Variants in ADGRA3 observed in about 807,000 individuals in gnomAD.
The protein encoded by ADGRA3 is adhesion G protein-coupled receptor A3, also known as G-protein coupled receptor 125.
Under a neutral mutation model 119.8 loss-of-function variants are expected in ADGRA3, and 56 were observed. The ratio of observed to expected loss-of-function variants is 0.47; its 90% confidence interval spans 0.38 to 0.58. The LOEUF is 0.58. Ranked by LOEUF, ADGRA3 falls within the 20% of genes least tolerant of loss-of-function variation. The pLI, the probability that ADGRA3 is intolerant of heterozygous loss-of-function variation, is 0.00. For missense variants in ADGRA3, 1,516 were observed against 1,649.0 expected (o/e 0.92, Z 1.40); for synonymous variants, 607 against 623.8 (o/e 0.97, Z 0.40).
chr4:22,416,364 C>G (rs1715430465), intron 12 of ADGRA3, among the ~76,000 whole-genome samples: 1 of 152,102 alleles, frequency 6.6e-6, no homozygotes, highest in Admixed American at 6.5e-5. Context: ...TTTTCGGTTT[C>G]CAGTATTTAC....
Position 22,442,830 on chromosome 4 carries a change from G to A in ADGRA3, c.740C>T (p.Thr247Ile), listed in dbSNP as rs914286200. ...PPLELPSFYM[T>I]PSHRQVVFEG... ...AAACACAACTTGGCGATGAGATGGA[G>A]TCATGTAGAAAGACGGCAATTCAAG... Residue 247 changes from threonine (T) to isoleucine (I), a missense_variant, in exon 7 of 19, where the codon ACT (threonine) becomes ATT (isoleucine). Thr to Ile is a moderately conservative substitution (Grantham distance 89). Around this residue, in one of 2 missense-constraint regions of ADGRA3, gnomAD observed 428 missense variants for 541.9 expected, o/e 0.79. Transcript: ENST00000334304. 3 of 1,613,044 alleles carry A rather than the reference G, an allele frequency of 1.9e-6. No individual in the cohort carries two copies. The highest frequency in any genetic ancestry group is 2.5e-6 in the Non-Finnish European group (3 of 1,179,248).
chr4:22,411,171 CTTG>C (rs1273585177), intron 14 of ADGRA3, among the ~76,000 whole-genome samples: 15 of 152,144 alleles, frequency 9.9e-5, no homozygotes, highest in African/African-American at 3.4e-4. Flanking sequence ...TCAATTTTTT[CTTG>C]TTAACTTATA....
chr4:22,436,340 T>C (rs1716390599), intron 9 of ADGRA3, 100 bp downstream of exon 9: 1 of 832,680 alleles, frequency 1.2e-6, no homozygotes, highest in Non-Finnish European at 1.9e-6. Context: ...AAAATCCTTA[T>C]GTTTTGCCTA....
chr4:22,409,516 C>T (rs1291309840), intron 14 of ADGRA3, among the ~76,000 whole-genome samples: 2 of 152,146 alleles, frequency 1.3e-5, no homozygotes, highest in African/African-American at 4.8e-5. Flanking sequence ...GGCATTTAAC[C>T]TCTCTCTGCC....
chr4:22,476,225 G>A (rs1718037783), intron 1 of ADGRA3, among the ~76,000 whole-genome samples: 1 of 151,956 alleles, frequency 6.6e-6, no homozygotes, highest in Non-Finnish European at 1.5e-5. Flanking sequence ...CTCACTTCCG[G>A]AACAAGATTT....
chr4:22,415,719 T>C (rs191186299), intron 12 of ADGRA3, among the ~76,000 whole-genome samples: 94 of 152,232 alleles, frequency 6.2e-4, no homozygotes, highest in African/African-American at 2.1e-3. Flanking sequence ...ATAAATCAAA[T>C]TGATTTAAAA....
chr4:22,390,364 CGT>C (rs1560292210), intron 17 of ADGRA3, among the ~76,000 whole-genome samples: 296 of 14,472 alleles, frequency 0.02, 7 homozygotes, highest in Non-Finnish European at 0.055. Context: ...ATATATAATA[CGT>C]ATTATATATA....
intron 3 of ADGRA3, among the ~76,000 whole-genome samples, chr4:22,458,940 C>T (rs1327854335): frequency 7.9e-5 from 12 of 152,074 alleles, no homozygotes; most frequent in Admixed American, 7.9e-4. Flanking sequence ...CACAGGAGAC[C>T]ACCACTCACC....
intron 1 of ADGRA3, among the ~76,000 whole-genome samples, chr4:22,501,867 C>T (rs951896677): frequency 7.3e-5 from 11 of 151,310 alleles, no homozygotes; most frequent in African/African-American, 2.7e-4. Flanking sequence ...TAACGTCTAG[C>T]TAAGCTGATG....
At chr4:22,499,627 T>C (rs1718981272) in intron 1 of ADGRA3, among the ~76,000 whole-genome samples, 1 of 152,216 alleles carries the variant, frequency 6.6e-6, no homozygotes, top group Non-Finnish European at 1.5e-5. Context: ...GATGTTCTTA[T>C]TCATCTTAAC....
intron 14 of ADGRA3, among the ~76,000 whole-genome samples, chr4:22,403,929 T>A (rs1021068985): frequency 1.3e-5 from 2 of 152,138 alleles, no homozygotes; most frequent in Non-Finnish European, 2.9e-5. Context: ...GCCTTAAGGA[T>A]TAGATTCAAA....
At chr4:22,470,757 CAG>C (rs1269097757) in intron 2 of ADGRA3, among the ~76,000 whole-genome samples, 2 of 152,182 alleles carry the variant, frequency 1.3e-5, no homozygotes, top group African/African-American at 4.8e-5. Flanking sequence ...TGGCTTTACT[CAG>C]GGGGTGACCC....
chr4:22,405,255 T>G (rs1256360349), intron 14 of ADGRA3, among the ~76,000 whole-genome samples: 1 of 152,150 alleles, frequency 6.6e-6, no homozygotes, highest in Non-Finnish European at 1.5e-5. Context: ...TCAGTTATTT[T>G]TGGCCAGGCA....
intron 4 of ADGRA3, 68 bp downstream of exon 4, chr4:22,454,798 T>G: frequency 8.8e-7 from 1 of 1,133,142 alleles, no homozygotes; most frequent in South Asian, 1.2e-5. Context: ...TACATAAGTT[T>G]CATACATATT....
At position 22,420,883 on chromosome 4, in the gene ADGRA3, T is replaced by C. The variant is rs1036041191; in HGVS notation, c.1809+3A>G. ...TCTTAAATGATTGCAGAATGTAACA[T>C]ACCTTTAGTGCCAGACTCGAAAATG... On this transcript the variant is annotated splice_donor_region_variant and intron_variant, in intron 12 of 18. Coordinates refer to ENST00000334304, the MANE Select transcript of ADGRA3 (RefSeq NM_145290.4). 29 of 1,612,160 alleles carry C rather than the reference T, an allele frequency of 1.8e-5. No individual in the cohort carries two copies. The highest frequency in any genetic ancestry group is 2.5e-5 in the Non-Finnish European group (29 of 1,178,204).
chr4:22,450,300 T>C (rs1240634530), intron 4 of ADGRA3, among the ~76,000 whole-genome samples: 1 of 151,654 alleles, frequency 6.6e-6, no homozygotes, highest in Non-Finnish European at 1.5e-5. Context: ...TCTCACTCTG[T>C]TGCCCAGGCT....
chr4:22,437,515 A>C (rs946902493), intron 8 of ADGRA3, among the ~76,000 whole-genome samples: 1 of 152,300 alleles, frequency 6.6e-6, no homozygotes, highest in South Asian at 2.1e-4. Context: ...TCAACTATAA[A>C]CTCATTTTTT....
At chr4:22,393,737 AT>A (rs1252801904) in intron 16 of ADGRA3, 3 of 152,190 alleles carry the variant, frequency 2.0e-5, no homozygotes, top group African/African-American at 7.2e-5. Flanking sequence ...ATTATTACTT[AT>A]TAAGAATGTG....
chr4:22,442,979 A>G, intron 6 of ADGRA3, 116 bp from the exon 7 acceptor site: 1 of 796,966 alleles, frequency 1.3e-6, no homozygotes, highest in African/African-American at 1.7e-5. Flanking sequence ...ATTCCTCAAT[A>G]ATCAGCATGC....
Sources: gnomAD v4.1 joint callset for allele counts (sites outside exome capture counted in the v4.1 genomes callset) on GRCh38, gnomAD v4.1.1 for gene constraint, gnomAD v4.1.1 regional missense constraint, MANE v1.5 for transcripts, NCBI Gene and HGNC (gene_info 2026-07-23, HGNC 2026-07-21) for gene names.